The following RAB11FIP3 variants were observed in gnomAD, a reference collection of about 807,000 sequenced individuals.
RAB11FIP3 encodes rab11 family-interacting protein 3.
A neutral mutation model predicts 77.8 loss-of-function variants in RAB11FIP3; 17 were observed. That is an observed-to-expected ratio of 0.22 (90% CI 0.15 to 0.33). The LOEUF is 0.33. RAB11FIP3 is among the 10% of genes least tolerant of loss of function. The pLI is 1.00. For synonymous variants in RAB11FIP3, 437 were observed against 448.2 expected, an observed-to-expected ratio of 0.98 and a Z score of 0.31; for missense variants, 1,005 against 1,011.2, an observed-to-expected ratio of 0.99 and a Z score of 0.08.
chr16:455,558 A>C (rs2055489334), intron 1 of RAB11FIP3, among the ~76,000 whole-genome samples: 1 of 151,852 alleles, frequency 6.6e-6, no homozygotes, highest in African/African-American at 2.4e-5. Flanking sequence ...GGGTGATCGG[A>C]TATGACTGGA....
chr16:436,859 C>T (rs1035676509), intron 1 of RAB11FIP3, among the ~76,000 whole-genome samples: 6 of 152,108 alleles, frequency 3.9e-5, no homozygotes, highest in Admixed American at 2.6e-4. Flanking sequence ...AGATTATGGG[C>T]GTAACCATCT....
At chr16:475,980 T>C (rs2141700493) in intron 3 of RAB11FIP3, among the ~76,000 whole-genome samples, 1 of 152,296 alleles carries the variant, frequency 6.6e-6, no homozygotes, top group South Asian at 2.1e-4. Flanking sequence ...CTCAGCCTCC[T>C]GAGTAGCTGG....
chr16:492,394 C>T (rs113790634), intron 5 of RAB11FIP3, among the ~76,000 whole-genome samples: 5,738 of 30,922 alleles, frequency 0.19, 175 homozygotes, highest in African/African-American at 0.36. Flanking sequence ...CCAGAGCCCT[C>T]CCCGGGAGAC....
At chr16:513,715 C>T (rs2032285466) in intron 9 of RAB11FIP3, among the ~76,000 whole-genome samples, 2 of 152,180 alleles carry the variant, frequency 1.3e-5, no homozygotes, top group African/African-American at 4.8e-5. Flanking sequence ...AAGATACTTG[C>T]CTTATCTAAG....
At chr16:441,576 C>G (rs1207268753) in intron 1 of RAB11FIP3, among the ~76,000 whole-genome samples, 1 of 152,180 alleles carries the variant, frequency 6.6e-6, no homozygotes, top group Non-Finnish European at 1.5e-5. Flanking sequence ...CTGTCGTTGC[C>G]TCTCTAAATT....
At position 471,224 on chromosome 16, in the gene RAB11FIP3, C is replaced by G; in HGVS notation, c.809-71C>G. The G allele has an allele frequency of 2.2e-6, 3 of 1,385,178 alleles. No individual in the cohort carries two copies. In the Admixed American group the frequency reaches 5.4e-5, roughly 25 times the overall value. The allele number at this position is 1,385,178 out of a possible 1,614,324, so 85.8% of individuals were successfully genotyped here. ...TGGGGGCCTCCTTCCCAGGGAGTCCCGAGGCCGCCAGGGGTCCCGTCACTG... is the reference window on the plus strand; with the variant it reads ...TGGGGGCCTCCTTCCCAGGGAGTCCGGAGGCCGCCAGGGGTCCCGTCACTG... On this transcript the variant is annotated intron_variant, in intron 2 of 13. Transcript: ENST00000262305. This position sits in a 1 kb window ranked among gnomAD's most constrained non-coding sequence, Gnocchi z 4.4.
Position 520,882 on chromosome 16 carries a change from C to T in RAB11FIP3, c.*43C>T, listed in dbSNP as rs1309246155. On this transcript the variant is annotated 3_prime_UTR_variant, in exon 14 of 14. Transcript: ENST00000262305. Reference sequence around the variant, plus strand: ...CTGAGCTGGATTCGGGACTCCAACACCCTGGAGTGGTTCCGTCAGACCATG... The same window carrying T: ...CTGAGCTGGATTCGGGACTCCAACATCCTGGAGTGGTTCCGTCAGACCATG... 6.7e-6 allele frequency: 10 copies of T among 1,496,902 alleles called. No homozygotes were observed. Among genetic ancestry groups the T allele is most frequent in the Admixed American group, 1.7e-5 (1 of 59,736 alleles). 92.7% of individuals were successfully genotyped at this position (1,496,902 alleles called of 1,614,324 possible). A position where few individuals can be genotyped will look rare whatever the true frequency, so the allele number is the denominator to read the frequency against.
At chr16:499,002 G>A (rs2031331149) in intron 6 of RAB11FIP3, among the ~76,000 whole-genome samples, 1 of 151,886 alleles carries the variant, frequency 6.6e-6, no homozygotes, top group Admixed American at 6.6e-5. Context: ...CCTGAGGTTG[G>A]GAGTTCAAGA....
At chr16:480,453 T>A (rs1036639396) in intron 3 of RAB11FIP3, among the ~76,000 whole-genome samples, 1 of 152,082 alleles carries the variant, frequency 6.6e-6, no homozygotes, top group African/African-American at 2.4e-5. Flanking sequence ...GCCTCCTGAG[T>A]AGTTGGGATT....
At chr16:429,593 G>A (rs1285198871) in intron 1 of RAB11FIP3, among the ~76,000 whole-genome samples, 3 of 150,600 alleles carry the variant, frequency 2.0e-5, no homozygotes, top group South Asian at 4.2e-4. Flanking sequence ...TCTGCCTCCC[G>A]GGTTCAAGCG....
At chr16:502,453 G>A (rs1409599848) in intron 6 of RAB11FIP3, among the ~76,000 whole-genome samples, 1 of 152,180 alleles carries the variant, frequency 6.6e-6, no homozygotes, top group Non-Finnish European at 1.5e-5. Flanking sequence ...GACTCGGTCG[G>A]ACCAGTTTCC....
At chr16:468,251 AGGGAGGAGGTGCAGGGAAG>A (rs2055748705) in intron 2 of RAB11FIP3, among the ~76,000 whole-genome samples, 1 of 122,742 alleles carries the variant, frequency 8.1e-6, no homozygotes. Context: ...CTGGGGCGTC[AGGGAGGAGGTGCAGGGAAG>A]TCAGGGAGGA....
In RAB11FIP3 at chr16:520,953, T is replaced by C. The variant is rs954637562; in HGVS notation, c.*114T>C. 9 of 870,716 alleles carry C rather than the reference T, an allele frequency of 1.0e-5. No individual in the cohort carries two copies. Among genetic ancestry groups the C allele is most frequent in the African/African-American group, 4.9e-5 (3 of 60,616 alleles). 53.9% of individuals were successfully genotyped at this position (870,716 alleles called of 1,614,324 possible). A position where few individuals can be genotyped will look rare whatever the true frequency, so the allele number is the denominator to read the frequency against. On this transcript the variant is annotated 3_prime_UTR_variant, in exon 14 of 14. Coordinates refer to ENST00000262305, the MANE Select transcript of RAB11FIP3 (RefSeq NM_014700.4). ...CCCACAGCCGACAGTGCCCAGAGCATGCAGGGAACCCTCGTGCAGCTGAGC... is the reference window on the plus strand; with the variant it reads ...CCCACAGCCGACAGTGCCCAGAGCACGCAGGGAACCCTCGTGCAGCTGAGC...
At chr16:453,285 A>C (rs1023095478) in intron 1 of RAB11FIP3, 3 of 152,068 alleles carry the variant, frequency 2.0e-5, no homozygotes, top group African/African-American at 7.2e-5. Context: ...CGTGTTAGCC[A>C]GGATGGTCTC....
intron 4 of RAB11FIP3, among the ~76,000 whole-genome samples, chr16:486,777 C>G (rs1385724763): frequency 6.6e-6 from 1 of 152,110 alleles, no homozygotes; most frequent in Non-Finnish European, 1.5e-5. Flanking sequence ...GTGCTGAGCC[C>G]CTCGTCATTG....
intron 1 of RAB11FIP3, among the ~76,000 whole-genome samples, chr16:442,511 C>T (rs2055244903): frequency 6.6e-6 from 1 of 152,214 alleles, no homozygotes; most frequent in Non-Finnish European, 1.5e-5. Flanking sequence ...TGGTCTTCCT[C>T]CCGCTCAGCC....
chr16:493,518 TA>T (rs1439346283), intron 5 of RAB11FIP3, among the ~76,000 whole-genome samples: 1 of 152,210 alleles, frequency 6.6e-6, no homozygotes, highest in East Asian at 1.9e-4. Flanking sequence ...AACAGGCCAA[TA>T]GCTGTTGCAT....
chr16:499,475 TCCTTCACGGGTAC>T (rs2031362776), intron 6 of RAB11FIP3, among the ~76,000 whole-genome samples: 1 of 151,958 alleles, frequency 6.6e-6, no homozygotes, highest in South Asian at 2.1e-4. Context: ...ATTTAATGTT[TCCTTCACGGGTAC>T]CCTTTGGCAT....
Position 471,090 on chromosome 16 carries a change from G to T in RAB11FIP3, c.809-205G>T, listed in dbSNP as rs1423284603. 6.6e-6 allele frequency among the ~76,000 whole-genome samples: 1 copy of T among 151,822 alleles called. No homozygotes were observed. The highest frequency in any genetic ancestry group is 1.5e-5 in the Non-Finnish European group (1 of 67,970). On this transcript the variant is annotated intron_variant, in intron 2 of 13. Transcript: ENST00000262305. The surrounding 1 kb of genome is among the most constrained non-coding windows in gnomAD (Gnocchi z 4.4). ...CAGAAGCCTTGTTCCTGTGGGCAAC[G>T]CATCTCTGACCCGTTGGCAAGGCTG...
Sources: gnomAD v4.1 joint callset for allele counts (sites outside exome capture counted in the v4.1 genomes callset) on GRCh38, gnomAD v4.1.1 for gene constraint, Gnocchi (gnomAD v3.1) non-coding constraint, MANE v1.5 for transcripts, NCBI Gene and HGNC (gene_info 2026-07-23, HGNC 2026-07-21) for gene names.